Variants in FYB1 observed in about 807,000 individuals in gnomAD.
The protein encoded by FYB1 is FYN-binding protein 1.
Under a neutral mutation model 94.1 loss-of-function variants are expected in FYB1, and 41 were observed. The ratio of observed to expected loss-of-function variants is 0.44; its 90% CI spans 0.34 to 0.57. The LOEUF (loss-of-function observed/expected upper bound fraction) is 0.57, where lower values mean the gene tolerates loss of function less well. Among genes scored for constraint, FYB1 ranks in the 20% least tolerant of loss-of-function variants. The probability of loss-of-function intolerance (pLI) is 0.02; values close to 1 mark genes in which losing one functional copy is unlikely to be tolerated. For synonymous variants in FYB1, 367 were observed against 353.2 expected, an observed-to-expected ratio of 1.04 and a Z score of -0.44; for missense variants, 1,050 against 976.8, an observed-to-expected ratio of 1.07 and a Z score of -1.00.
intron 1 of FYB1, among the ~76,000 whole-genome samples, chr5:39,241,123 C>T (rs1476478545): frequency 6.6e-6 from 1 of 152,074 alleles, no homozygotes; most frequent in African/African-American, 2.4e-5. Context: ...ACATTCAGTA[C>T]ACATGGACTC....
intron 13 of FYB1, 133 bp downstream of exon 13, chr5:39,124,120 T>C: frequency 1.5e-6 from 1 of 646,126 alleles, no homozygotes; most frequent in Non-Finnish European, 2.6e-6. Flanking sequence ...AAGGTAAAGT[T>C]ACTTGCTCAA....
At chr5:39,226,317 C>A (rs1029490700) in intron 1 of FYB1, among the ~76,000 whole-genome samples, 1 of 152,070 alleles carries the variant, frequency 6.6e-6, no homozygotes, top group Admixed American at 6.6e-5. Context: ...CTAATCCTTT[C>A]TTTGCAGGGT....
intron 1 of FYB1, among the ~76,000 whole-genome samples, chr5:39,261,371 C>CACACAA (rs1166071145): frequency 2.1e-5 from 3 of 145,778 alleles, no homozygotes; most frequent in African/African-American, 7.7e-5. Flanking sequence ...CACACACACA[C>CACACAA]AAAGAAATTG....
In FYB1 at chr5:39,159,048, T is replaced by G. The variant is rs111449864; in HGVS notation, c.1136-5444A>C. On this transcript the variant is annotated intron_variant, in intron 2 of 18. Transcript: ENST00000512982. ...CTAACTACCTCAAAGGGTTTAAGGA[T>G]GAAATAAGCTAATACATGTGAAAGC... is the stretch of plus-strand genomic sequence containing the variant. 7.9e-5 allele frequency among the ~76,000 whole-genome samples: 12 copies of G among 152,312 alleles called. 1 individual carries two copies. Among genetic ancestry groups the G allele is most frequent in the African/African-American group, 2.9e-4 (12 of 41,576 alleles).
chr5:39,133,622 T>A (rs1307069403), intron 9 of FYB1, among the ~76,000 whole-genome samples: 1 of 152,078 alleles, frequency 6.6e-6, no homozygotes, highest in Non-Finnish European at 1.5e-5. Context: ...GATGTTCTAT[T>A]CTGTTCCTCT....
At chr5:39,168,658 A>T (rs549076600) in intron 2 of FYB1, among the ~76,000 whole-genome samples, 1 of 152,294 alleles carries the variant, frequency 6.6e-6, no homozygotes, top group African/African-American at 2.4e-5. Context: ...TAATTCTTAA[A>T]TCTTGTCACT....
chr5:39,235,300 G>A (rs1355465112), intron 1 of FYB1, among the ~76,000 whole-genome samples: 1 of 151,400 alleles, frequency 6.6e-6, no homozygotes, highest in Non-Finnish European at 1.5e-5. Flanking sequence ...CACAGTCAGT[G>A]CAGGATCTTA....
At chr5:39,122,003 A>G (rs1490945094) in intron 14 of FYB1, among the ~76,000 whole-genome samples, 2 of 152,136 alleles carry the variant, frequency 1.3e-5, no homozygotes, top group Admixed American at 6.6e-5. Flanking sequence ...GATCTTAAAC[A>G]TATTTCCCCA....
intron 5 of FYB1, chr5:39,139,013 G>T (rs1741910110): frequency 3.5e-6 from 2 of 566,474 alleles, no homozygotes; most frequent in African/African-American, 3.8e-5. Context: ...CGTGTAGTCA[G>T]ACTTAAGTTT....
intron 1 of FYB1, among the ~76,000 whole-genome samples, chr5:39,228,653 A>G (rs752754650): frequency 6.6e-6 from 1 of 152,198 alleles, no homozygotes; most frequent in Non-Finnish European, 1.5e-5. Context: ...CAGGGTCAAC[A>G]TTTTTTGATA....
At chr5:39,165,084 AT>A (rs1410985916) in intron 2 of FYB1, among the ~76,000 whole-genome samples, 14 of 152,224 alleles carry the variant, frequency 9.2e-5, no homozygotes, top group African/African-American at 3.4e-4. Flanking sequence ...TAAGTTAAAT[AT>A]TTGCTACTTT....
intron 1 of FYB1, among the ~76,000 whole-genome samples, chr5:39,259,812 A>G (rs892761555): frequency 6.6e-6 from 1 of 152,242 alleles, no homozygotes; most frequent in Non-Finnish European, 1.5e-5. Context: ...TTGGAAATAC[A>G]AACTTTATCA....
At chr5:39,165,351 C>T (rs1744624843) in intron 2 of FYB1, among the ~76,000 whole-genome samples, 1 of 152,154 alleles carries the variant, frequency 6.6e-6, no homozygotes, top group South Asian at 2.1e-4. Context: ...CCACAGCCAA[C>T]TGATCTTTGA....
chr5:39,226,431 A>C (rs1338864137), intron 1 of FYB1, among the ~76,000 whole-genome samples: 1 of 152,108 alleles, frequency 6.6e-6, no homozygotes, highest in Non-Finnish European at 1.5e-5. Flanking sequence ...TTAAGAGTAC[A>C]TACAAGCGTT....
rs1760361315 is a variant in FYB1, at chr5:39,106,127, T to C, written c.*1316A>G. 1 of 152,192 alleles carries C rather than the reference T, an allele frequency of 6.6e-6. No individual in the cohort carries two copies. Among genetic ancestry groups the C allele is most frequent in the Non-Finnish European group, 1.5e-5 (1 of 68,032 alleles). 9.4% of individuals were successfully genotyped at this position (152,192 alleles called of 1,614,324 possible). On this transcript the variant is annotated 3_prime_UTR_variant, in exon 19 of 19. Transcript: ENST00000512982. The stretch of plus-strand genomic sequence containing the variant: ...AAGCTTCTGAAACATGGGACTGAAG[T>C]AGGCGGAGCATTATAAAAGCCTAAG...
At chr5:39,129,629 C>T (rs571824622) in intron 10 of FYB1, among the ~76,000 whole-genome samples, 13 of 151,798 alleles carry the variant, frequency 8.6e-5, no homozygotes, top group African/African-American at 2.9e-4. Flanking sequence ...CCAAACAATC[C>T]CATAAAAAGG....
chr5:39,268,090 AT>A (rs924875524), intron 1 of FYB1, among the ~76,000 whole-genome samples: 1 of 152,222 alleles, frequency 6.6e-6, no homozygotes, highest in Non-Finnish European at 1.5e-5. Flanking sequence ...CATAAAGTAT[AT>A]AACACTTATA....
intron 1 of FYB1, chr5:39,269,833 G>C (rs1207745024): frequency 6.6e-6 from 1 of 152,162 alleles, no homozygotes; most frequent in Non-Finnish European, 1.5e-5. Context: ...GGGAATAGCA[G>C]ACAAAGACAG....
chr5:39,194,718 C>G (rs569964101), intron 2 of FYB1, among the ~76,000 whole-genome samples: 1 of 152,002 alleles, frequency 6.6e-6, no homozygotes, highest in African/African-American at 2.4e-5. Context: ...AGGGGTAGTT[C>G]GTAAAATTTG....
Sources: gnomAD v4.1 joint callset for allele counts (sites outside exome capture counted in the v4.1 genomes callset) on GRCh38, gnomAD v4.1.1 for gene constraint, MANE v1.5 for transcripts, NCBI Gene and HGNC (gene_info 2026-07-23, HGNC 2026-07-21) for gene names.